The following WWC1 variants were observed in gnomAD, a reference collection of about 807,000 sequenced individuals.
WWC1 encodes the protein protein KIBRA.
Under a neutral mutation model 138.4 loss-of-function variants are expected in WWC1, and 55 were observed. The ratio of observed to expected loss-of-function variants is 0.40; its 90% CI spans 0.32 to 0.50. The LOEUF is 0.50. WWC1 is among the 20% of genes least tolerant of loss of function. WWC1 has a pLI of 0.72. For missense variants in WWC1, 1,226 were observed against 1,420.4 expected, an observed-to-expected ratio of 0.86 and a Z score of 2.20; for synonymous variants, 524 against 564.9, an observed-to-expected ratio of 0.93 and a Z score of 1.03.
chr5:168,362,132 A>G (rs1730500221), intron 1 of WWC1, among the ~76,000 whole-genome samples: 1 of 143,926 alleles, frequency 6.9e-6, no homozygotes, highest in South Asian at 2.5e-4. Context: ...CACATTTATC[A>G]AGCACTCACT....
chr5:168,410,429 C>A (rs944429136), intron 8 of WWC1, among the ~76,000 whole-genome samples: 4 of 151,766 alleles, frequency 2.6e-5, no homozygotes, highest in African/African-American at 9.7e-5. Flanking sequence ...GCAGTGTAGA[C>A]CTCTGGGATT....
intron 19 of WWC1, among the ~76,000 whole-genome samples, chr5:168,458,543 A>G (rs1048701298): frequency 6.6e-6 from 1 of 152,180 alleles, no homozygotes. Context: ...GATAGGGACA[A>G]TGAATTACCC....
intron 1 of WWC1, among the ~76,000 whole-genome samples, chr5:168,362,333 T>G (rs1407737815): frequency 6.6e-6 from 1 of 152,188 alleles, no homozygotes; most frequent in African/African-American, 2.4e-5. Flanking sequence ...ATTTTTCCTG[T>G]TTTGCAAATG....
At chr5:168,328,383 A>T (rs1772747642) in intron 1 of WWC1, among the ~76,000 whole-genome samples, 1 of 152,144 alleles carries the variant, frequency 6.6e-6, no homozygotes, top group East Asian at 1.9e-4. Context: ...CATGGTCAAG[A>T]TTCTTGGTTG....
intron 10 of WWC1, among the ~76,000 whole-genome samples, chr5:168,422,526 AG>A: frequency 6.6e-6 from 1 of 152,216 alleles, no homozygotes; most frequent in Admixed American, 6.5e-5. Flanking sequence ...CTGAGGTGGG[AG>A]GATGACTTGA....
Position 168,359,265 on chromosome 5 carries a change from G to A in WWC1, c.120-12159G>A, listed in dbSNP as rs528635100. On this transcript the variant is annotated intron_variant, in intron 1 of 22. Coordinates refer to ENST00000265293, the MANE Select transcript of WWC1 (RefSeq NM_015238.3). ...GACAGGGTTCCACCATGTTGCCCGG[G>A]CTAGTGTTGCACTCCTGAGCTCAGG... Among the ~76,000 whole-genome samples the A allele has an allele frequency of 1.7e-4, 26 of 152,206 alleles. 1 individual carries two copies. The highest frequency in any genetic ancestry group is 6.5e-4 in the Admixed American group (10 of 15,286).
chr5:168,373,107 T>A (rs1776882248), intron 2 of WWC1, among the ~76,000 whole-genome samples: 1 of 152,116 alleles, frequency 6.6e-6, no homozygotes, highest in African/African-American at 2.4e-5. Context: ...TAATTGAGTG[T>A]GTATGGGGAA....
At chr5:168,323,598 T>A (rs962152212) in intron 1 of WWC1, among the ~76,000 whole-genome samples, 2 of 151,750 alleles carry the variant, frequency 1.3e-5, no homozygotes, top group Non-Finnish European at 2.9e-5. Flanking sequence ...GAAAAAAAGC[T>A]TGGAAAAAAA....
At chr5:168,391,760 CATATATAT>C (rs70976481) in intron 3 of WWC1, among the ~76,000 whole-genome samples, 6,974 of 110,540 alleles carry the variant, frequency 0.063, 268 homozygotes, top group East Asian at 0.18. Flanking sequence ...ATTTTTAAGG[CATATATAT>C]ATATATATAT....
At chr5:168,348,570 G>A (rs570109465) in intron 1 of WWC1, among the ~76,000 whole-genome samples, 13 of 152,288 alleles carry the variant, frequency 8.5e-5, no homozygotes, top group Non-Finnish European at 1.6e-4. Flanking sequence ...GTGGGCCAGA[G>A]GAGAGCCACA....
intron 9 of WWC1, among the ~76,000 whole-genome samples, chr5:168,419,741 G>T (rs1780938619): frequency 6.6e-6 from 1 of 152,158 alleles, no homozygotes; most frequent in Non-Finnish European, 1.5e-5. Flanking sequence ...TGCTCGATAG[G>T]GCCCTTTATT....
chr5:168,416,311 G>A (rs1780648171), intron 9 of WWC1: 1 of 152,246 alleles, frequency 6.6e-6, no homozygotes, highest in Non-Finnish European at 1.5e-5. Flanking sequence ...CCACCAGTTG[G>A]TGGGAGAAGG....
chr5:168,423,149 CAA>C lies in WWC1; in HGVS notation c.1275-362_1275-361del, dbSNP rs773855632. On this transcript the variant is annotated intron_variant, in intron 10 of 22. Transcript: ENST00000265293. ...GACAGAGCAAGACTCCATCCCCCCC[CAA>C]AAAAAAAAAAAAAAAAAAAAACACA... 7.9e-3 allele frequency among the ~76,000 whole-genome samples: 565 copies of C among 71,316 alleles called. 4 individuals are homozygous for C. Among genetic ancestry groups the C allele is most frequent in the Admixed American group, 0.036 (220 of 6,078 alleles). 46.8% of individuals were successfully genotyped at this position (71,316 alleles called of 152,430 possible).
chr5:168,328,115 G>A (rs1772715256), intron 1 of WWC1, among the ~76,000 whole-genome samples: 1 of 152,206 alleles, frequency 6.6e-6, no homozygotes, highest in African/African-American at 2.4e-5. Flanking sequence ...TCCAAGTTCA[G>A]CGCTGCTTCT....
chr5:168,431,535 T>A, intron 15 of WWC1, 91 bp downstream of exon 15: 1 of 1,383,670 alleles, frequency 7.2e-7, no homozygotes, highest in Non-Finnish European at 9.6e-7. Flanking sequence ...GGGATTGGTC[T>A]ACCCTGAGCT....
chr5:168,418,274 C>T (rs1174391179), intron 9 of WWC1, among the ~76,000 whole-genome samples: 1 of 152,192 alleles, frequency 6.6e-6, no homozygotes, highest in African/African-American at 2.4e-5. Context: ...GCCTCCCCCT[C>T]CTTCCCGAGG....
intron 9 of WWC1, chr5:168,415,815 CGTGTGTGTGTGTGT>C (rs56223676): frequency 1.1e-3 from 7 of 6,562 alleles, no homozygotes; most frequent in Non-Finnish European, 1.6e-3. Context: ...GGGGGGGGGG[CGTGTGTGTGTGTGT>C]GTGTGTGTGT....
At chr5:168,350,843 T>A (rs1237796131) in intron 1 of WWC1, among the ~76,000 whole-genome samples, 2 of 152,118 alleles carry the variant, frequency 1.3e-5, no homozygotes, top group African/African-American at 2.4e-5. Flanking sequence ...AGTAAAATGA[T>A]GTTACCAATT....
At chr5:168,400,866 A>C (rs1222137574) in intron 5 of WWC1, among the ~76,000 whole-genome samples, 1 of 137,270 alleles carries the variant, frequency 7.3e-6, no homozygotes, top group African/African-American at 2.6e-5. Flanking sequence ...GAGGAAGGAA[A>C]GAAGGGAGGG....
Sources: gnomAD v4.1 joint callset for allele counts (sites outside exome capture counted in the v4.1 genomes callset) on GRCh38, gnomAD v4.1.1 for gene constraint, MANE v1.5 for transcripts, NCBI Gene and HGNC (gene_info 2026-07-23, HGNC 2026-07-21) for gene names.